The following HTRA1 variants were observed in gnomAD, a reference collection of about 807,000 sequenced individuals.
HTRA1 encodes the protein HtrA serine peptidase 1, also known as serine protease HTRA1.
A neutral mutation model predicts 49.7 loss-of-function variants in HTRA1; 26 were observed. The ratio of observed to expected loss-of-function variants is 0.52; its 90% CI spans 0.38 to 0.73. The LOEUF is 0.73. Among genes scored for constraint, HTRA1 ranks in the 30% least tolerant of loss-of-function variants. HTRA1 has a pLI of 0.00. For missense variants in HTRA1, 561 were observed against 667.2 expected (o/e 0.84, Z 1.75); for synonymous variants, 291 against 286.9 (o/e 1.01, Z -0.14).
chr10:122,482,641 C>T lies in HTRA1; in HGVS notation c.473-6261C>T, dbSNP rs569078431. Among the ~76,000 whole-genome samples the T allele has an allele frequency of 5.0e-4, 76 of 152,128 alleles. No homozygotes were observed. The Middle Eastern group carries it at 0.01, about 20-fold the overall frequency. On this transcript the variant is annotated intron_variant, in intron 1 of 8. Transcript: ENST00000368984. ...GATGTATTTAAAGCACATATTCGGC[C>T]AGGTGCGGTGGCTCACACCTGTAGT... is the stretch of plus-strand genomic sequence containing the variant.
chr10:122,499,061 C>T (rs2097499856), intron 3 of HTRA1, among the ~76,000 whole-genome samples: 2 of 152,134 alleles, frequency 1.3e-5, no homozygotes, highest in African/African-American at 4.8e-5. Context: ...CTGATGATAC[C>T]GTGGTTGTTC....
intron 1 of HTRA1, among the ~76,000 whole-genome samples, chr10:122,488,618 C>T (rs537805465): frequency 6.6e-6 from 1 of 152,242 alleles, no homozygotes; most frequent in African/African-American, 2.4e-5. Context: ...CTTGGAAAGG[C>T]TGGTGTGAGG....
intron 1 of HTRA1, among the ~76,000 whole-genome samples, chr10:122,480,757 T>A (rs910082848): frequency 6.6e-6 from 1 of 152,074 alleles, no homozygotes; most frequent in Non-Finnish European, 1.5e-5. Flanking sequence ...CACTGGCAGG[T>A]CCAGGTTTTA....
At chr10:122,479,412 A>G (rs774618920) in intron 1 of HTRA1, among the ~76,000 whole-genome samples, 10 of 152,076 alleles carry the variant, frequency 6.6e-5, no homozygotes, top group Admixed American at 1.3e-4. Flanking sequence ...TGTTTTTTTC[A>G]TCTTTCTGTA....
intron 1 of HTRA1, among the ~76,000 whole-genome samples, chr10:122,465,350 T>C (rs2097483369): frequency 6.6e-6 from 1 of 152,182 alleles, no homozygotes; most frequent in Non-Finnish European, 1.5e-5. Flanking sequence ...GGCTAACATA[T>C]ATGTTGTGCT....
chr10:122,492,079 G>C (rs1303304952), intron 3 of HTRA1, among the ~76,000 whole-genome samples: 1 of 152,128 alleles, frequency 6.6e-6, no homozygotes, highest in Non-Finnish European at 1.5e-5. Flanking sequence ...CAGGAAAACC[G>C]AGAAGGCAGA....
chr10:122,489,045 C>A, intron 2 of HTRA1, 44 bp downstream of exon 2: 1 of 1,331,824 alleles, frequency 7.5e-7, no homozygotes, highest in Non-Finnish European at 1.1e-6. Context: ...GAAGCTTTCA[C>A]CGCCACTAGC....
intron 1 of HTRA1, among the ~76,000 whole-genome samples, chr10:122,486,999 G>A (rs2097493401): frequency 1.3e-5 from 2 of 152,080 alleles, no homozygotes; most frequent in Admixed American, 6.6e-5. Context: ...ATATGCATGT[G>A]TGTTAGGGGC....
At chr10:122,497,627 T>C (rs1410598205) in intron 3 of HTRA1, among the ~76,000 whole-genome samples, 1 of 152,210 alleles carries the variant, frequency 6.6e-6, no homozygotes, top group East Asian at 1.9e-4. Flanking sequence ...TTATAGCCTA[T>C]AGACAGCTGA....
chr10:122,500,417 CA>C (rs2097500395), intron 3 of HTRA1, among the ~76,000 whole-genome samples: 1 of 152,156 alleles, frequency 6.6e-6, no homozygotes, highest in Non-Finnish European at 1.5e-5. Flanking sequence ...AGCTAATTGT[CA>C]GAGCTGAGAT....
chr10:122,496,730 G>A (rs1473177794), intron 3 of HTRA1, among the ~76,000 whole-genome samples: 1 of 152,170 alleles, frequency 6.6e-6, no homozygotes, highest in Non-Finnish European at 1.5e-5. Flanking sequence ...AAGGAAACAA[G>A]TTGGGTGACA....
rs1018604330 is a variant in HTRA1 at position 122,487,445 on chromosome 10, C to T, written c.473-1457C>T. Among the ~76,000 whole-genome samples the T allele has an allele frequency of 3.3e-5, 5 of 152,200 alleles. No individual in the cohort carries two copies. Among genetic ancestry groups the T allele is most frequent in the Admixed American group, 6.5e-5 (1 of 15,290 alleles). On this transcript the variant is annotated intron_variant, in intron 1 of 8. Transcript: ENST00000368984. This position sits in a 1 kb window ranked among gnomAD's most constrained non-coding sequence, Gnocchi z 4.8. The stretch of plus-strand genomic sequence containing the variant: ...CCAGGACCCTGAATCTCTAGCAGTC[C>T]GTTTCTGAATCAGTTACCTTGGGTA...
At chr10:122,510,253 T>G in intron 7 of HTRA1, 100 bp downstream of exon 7, 1 of 913,106 alleles carries the variant, frequency 1.1e-6, no homozygotes, top group Non-Finnish European at 1.8e-6. Context: ...TATGCTGCCT[T>G]AAGACGTCTC....
At chr10:122,463,541 C>T (rs913788072) in intron 1 of HTRA1, among the ~76,000 whole-genome samples, 6 of 152,096 alleles carry the variant, frequency 3.9e-5, no homozygotes, top group African/African-American at 1.4e-4. Flanking sequence ...CTCCCTCTGT[C>T]GCCCATGCTG....
chr10:122,475,178 A>T (rs1303207281), intron 1 of HTRA1, among the ~76,000 whole-genome samples: 4 of 152,210 alleles, frequency 2.6e-5, no homozygotes, highest in Admixed American at 1.3e-4. Context: ...AGACTTTTCC[A>T]GGCACCATCT....
chr10:122,500,809 T>A (rs1310443123), intron 3 of HTRA1, among the ~76,000 whole-genome samples: 1 of 152,158 alleles, frequency 6.6e-6, no homozygotes, highest in Non-Finnish European at 1.5e-5. Context: ...GTTATGGAAC[T>A]CACACCACAC....
chr10:122,468,264 A>G (rs1214375646), intron 1 of HTRA1, among the ~76,000 whole-genome samples: 1 of 152,198 alleles, frequency 6.6e-6, no homozygotes. Flanking sequence ...TTTCCCCATC[A>G]GTAAGATAAG....
intron 1 of HTRA1, among the ~76,000 whole-genome samples, chr10:122,480,720 A>T (rs1450642702): frequency 6.6e-6 from 1 of 152,166 alleles, no homozygotes; most frequent in African/African-American, 2.4e-5. Context: ...GGGACCTGCC[A>T]CCTGAGCAGG....
In HTRA1 at chr10:122,487,679, CAG is replaced by C. The variant is rs888898056; in HGVS notation, c.473-1220_473-1219del. On this transcript the variant is annotated intron_variant, in intron 1 of 8. Transcript: ENST00000368984. The surrounding 1 kb of genome is among the most constrained non-coding windows in gnomAD (Gnocchi z 4.8). Reference sequence around the variant, plus strand: ...CGATTTCATCACTGTGGGAATGTTACAGAGTGTGCCTACGCAAACCTAGATGG... The same window carrying C: ...CGATTTCATCACTGTGGGAATGTTACAGTGTGCCTACGCAAACCTAGATGG... 6.6e-6 allele frequency among the ~76,000 whole-genome samples: 1 copy of C among 152,188 alleles called. No individual in the cohort carries two copies. Among genetic ancestry groups the C allele is most frequent in the African/African-American group, 2.4e-5 (1 of 41,450 alleles).
Sources: allele counts gnomAD v4.1 joint callset (sites outside exome capture counted in the v4.1 genomes callset), GRCh38; gene constraint gnomAD v4.1.1; non-coding constraint Gnocchi (gnomAD v3.1); transcripts MANE v1.5; gene names NCBI Gene and HGNC (gene_info 2026-07-23, HGNC 2026-07-21).